Variants in VPS39 observed in about 807,000 individuals in gnomAD.
VPS39 encodes VPS39 subunit of HOPS complex, also known as vam6/Vps39-like protein.
Under a neutral mutation model 121.0 loss-of-function variants are expected in VPS39, and 70 were observed. The observed-to-expected ratio is 0.58, with a 90% CI of 0.48 to 0.71. The LOEUF is 0.71. Ranked by LOEUF, VPS39 falls within the 30% of genes least tolerant of loss-of-function variation. VPS39 has a pLI of 0.00. For missense variants in VPS39, 818 were observed against 1,051.5 expected, an observed-to-expected ratio of 0.78 and a Z score of 3.07; for synonymous variants, 378 against 398.1, an observed-to-expected ratio of 0.95 and a Z score of 0.60.
chr15:42,190,480 T>C (rs889786083), intron 4 of VPS39, among the ~76,000 whole-genome samples: 4 of 152,222 alleles, frequency 2.6e-5, no homozygotes, highest in African/African-American at 9.6e-5. Context: ...GGCTGCTTTC[T>C]ATGAAACCAT....
chr15:42,182,234 T>C (rs1300366285), intron 8 of VPS39, among the ~76,000 whole-genome samples: 1 of 152,246 alleles, frequency 6.6e-6, no homozygotes, highest in African/African-American at 2.4e-5. Flanking sequence ...TATTGAATTT[T>C]TTATTTTATT....
intron 8 of VPS39, among the ~76,000 whole-genome samples, chr15:42,182,971 C>T (rs1167846676): frequency 6.6e-6 from 1 of 152,204 alleles, no homozygotes. Context: ...CATAAAGCTC[C>T]ATAAGCCCCT....
chr15:42,177,978 T>C (rs903465285), intron 10 of VPS39, among the ~76,000 whole-genome samples: 4 of 152,260 alleles, frequency 2.6e-5, no homozygotes, highest in Non-Finnish European at 5.9e-5. Context: ...CTCACCTTAA[T>C]TCTACAAGGT....
intron 10 of VPS39, among the ~76,000 whole-genome samples, chr15:42,175,693 C>T (rs1228247521): frequency 6.6e-6 from 1 of 151,950 alleles, no homozygotes; most frequent in Non-Finnish European, 1.5e-5. Flanking sequence ...CTCCGCTCTC[C>T]TGCTTGGTGC....
chr15:42,178,947 C>T (rs1566899026), intron 8 of VPS39: 2 of 186,022 alleles, frequency 1.1e-5, no homozygotes, highest in East Asian at 2.4e-4. Flanking sequence ...TTTGAGGCTG[C>T]AATGAGCCAT....
chr15:42,161,243 C>T, intron 24 of VPS39: 1 of 307,070 alleles, frequency 3.3e-6, no homozygotes, highest in Non-Finnish European at 6.2e-6. Context: ...ACAAATCACT[C>T]TCCTTTGAAG....
Position 42,164,586 on chromosome 15 carries a change from A to G in VPS39, c.1898-100T>C, listed in dbSNP as rs2049205337. ...GAATGGGGTTCAAGGATGTCACCAC[A>G]TGACCAGAAAGGGCCTCCAGGGTGG... On this transcript the variant is annotated intron_variant, in intron 18 of 24. Coordinates refer to ENST00000318006, the MANE Select transcript of VPS39 (RefSeq NM_015289.5). The G allele has an allele frequency of 3.6e-5, 54 of 1,508,606 alleles. 1 individual carries two copies. In the South Asian group the frequency reaches 6.2e-4, roughly 17 times the overall value. The allele number at this position is 1,508,606 out of a possible 1,614,324, so 93.5% of individuals were successfully genotyped here.
intron 5 of VPS39, 113 bp from the exon 6 acceptor site, chr15:42,187,969 AAC>A: frequency 1.0e-6 from 1 of 958,968 alleles, no homozygotes; most frequent in Non-Finnish European, 1.6e-6. Context: ...AATTCCCTGT[AAC>A]ACAGTCATCC....
chr15:42,196,729 C>A (rs1414763631), intron 2 of VPS39, among the ~76,000 whole-genome samples: 3 of 152,176 alleles, frequency 2.0e-5, no homozygotes, highest in African/African-American at 7.2e-5. Flanking sequence ...GTTGGTGGGA[C>A]TGTAAACTAG....
chr15:42,162,881 C>T (rs1353825515), intron 21 of VPS39, among the ~76,000 whole-genome samples: 3 of 152,186 alleles, frequency 2.0e-5, no homozygotes, highest in African/African-American at 7.2e-5. Context: ...TTCGCAACCT[C>T]AGTGCGCATT....
chr15:42,173,598 A>T, intron 11 of VPS39, 125 bp downstream of exon 11: 1 of 1,273,444 alleles, frequency 7.9e-7, no homozygotes. Context: ...CTTGCTAGGT[A>T]TGAGGATCAA....
chr15:42,172,695 C>T (rs562284564), intron 11 of VPS39, among the ~76,000 whole-genome samples: 42 of 152,334 alleles, frequency 2.8e-4, no homozygotes, highest in African/African-American at 9.9e-4. Flanking sequence ...TGATCATTGT[C>T]TGGCTTCCTG....
chr15:42,206,538 T>C (rs930902621), intron 1 of VPS39, among the ~76,000 whole-genome samples: 1 of 152,186 alleles, frequency 6.6e-6, no homozygotes, highest in African/African-American at 2.4e-5. Context: ...CTAGGAGCAC[T>C]ATGTGCTAAT....
intron 8 of VPS39, among the ~76,000 whole-genome samples, chr15:42,182,741 A>G (rs949913562): frequency 5.9e-5 from 9 of 152,350 alleles, no homozygotes; most frequent in Admixed American, 4.6e-4. Flanking sequence ...AGGAGACCTC[A>G]CAGGGCAAGT....
At position 42,166,899 on chromosome 15, in the gene VPS39, C is replaced by G; in HGVS notation, c.1392G>C (p.Leu464=). 6.2e-7 allele frequency: 1 copy of G among 1,614,214 alleles called. No homozygotes were observed. Among genetic ancestry groups the G allele is most frequent in the South Asian group, 1.1e-5 (1 of 91,080 alleles). The change falls in exon 14 of 25, where the codon CTG becomes CTC. Residue 464 remains leucine, a synonymous_variant. Coordinates refer to ENST00000318006, the MANE Select transcript of VPS39 (RefSeq NM_015289.5). Reference sequence around the variant, plus strand: ...TCTCCAGGCGTAGCAAGGGGGCCACCAGGGCCACATTTGTCTGCAGAAAGA... The same window carrying G: ...TCTCCAGGCGTAGCAAGGGGGCCACGAGGGCCACATTTGTCTGCAGAAAGA... ...LKCYLHTNVA[L]VAPLLRLENN...
intron 8 of VPS39, among the ~76,000 whole-genome samples, chr15:42,183,544 C>A (rs670421): frequency 0.041 from 6,308 of 152,226 alleles, 306 homozygotes; most frequent in Admixed American, 0.099. Context: ...CTGTAATACC[C>A]TCTCCCAAAT....
At chr15:42,188,198 A>G (rs867011129) in intron 5 of VPS39, among the ~76,000 whole-genome samples, 3 of 152,146 alleles carry the variant, frequency 2.0e-5, no homozygotes, top group Non-Finnish European at 4.4e-5. Context: ...CTGGCTGTCA[A>G]TGCATGCTGG....
At chr15:42,202,334 A>G (rs2050084915) in intron 1 of VPS39, among the ~76,000 whole-genome samples, 2 of 152,236 alleles carry the variant, frequency 1.3e-5, no homozygotes, top group Non-Finnish European at 2.9e-5. Context: ...ACACAAAAAA[A>G]ATGTTGAAAT....
chr15:42,179,383 C>T (rs1225228547), intron 8 of VPS39, among the ~76,000 whole-genome samples: 1 of 151,196 alleles, frequency 6.6e-6, no homozygotes, highest in East Asian at 1.9e-4. Flanking sequence ...TCCTGGCTAA[C>T]ATGGTGAAAC....
Sources: allele counts gnomAD v4.1 joint callset (sites outside exome capture counted in the v4.1 genomes callset), GRCh38; gene constraint gnomAD v4.1.1; transcripts MANE v1.5; gene names NCBI Gene and HGNC (gene_info 2026-07-23, HGNC 2026-07-21).